The following MBIP variants were observed in gnomAD, a reference collection of about 807,000 sequenced individuals.
MBIP encodes the protein MAP3K12 binding inhibitory protein 1.
MBIP carries 32 observed loss-of-function variants against 45.7 expected under a neutral mutation model. The observed-to-expected ratio is 0.70, with a 90% CI of 0.53 to 0.94. The LOEUF (loss-of-function observed/expected upper bound fraction) is 0.94, where lower values mean the gene tolerates loss of function less well. MBIP is among the 40% of genes least tolerant of loss of function. The pLI, the probability that MBIP is intolerant of heterozygous loss-of-function variation, is 0.00. For missense variants in MBIP, 381 were observed against 405.5 expected (o/e 0.94, Z 0.52); for synonymous variants, 145 against 141.0 (o/e 1.03, Z -0.20).
intron 8 of MBIP, 23 bp from the exon 9 acceptor site, chr14:36,299,213 T>C (rs1486646083): frequency 6.6e-7 from 1 of 1,513,644 alleles, no homozygotes; most frequent in Admixed American, 1.7e-5. Flanking sequence ...ACGACACAAA[T>C]TGCTGAATAA....
intron 2 of MBIP, among the ~76,000 whole-genome samples, chr14:36,315,202 T>C (rs889601844): frequency 2.6e-5 from 4 of 152,126 alleles, no homozygotes; most frequent in Non-Finnish European, 5.9e-5. Flanking sequence ...AAATTTTCTT[T>C]GAGAGAATCA....
intron 7 of MBIP, among the ~76,000 whole-genome samples, chr14:36,307,273 A>C (rs150246015): frequency 6.6e-6 from 1 of 152,258 alleles, no homozygotes; most frequent in Non-Finnish European, 1.5e-5. Context: ...ACCTAAAATA[A>C]ATTTTAAATA....
chr14:36,303,541 A>G (rs1879697771), intron 7 of MBIP, among the ~76,000 whole-genome samples: 1 of 152,232 alleles, frequency 6.6e-6, no homozygotes, highest in African/African-American at 2.4e-5. Context: ...GTGTAACACA[A>G]TGGTATATGT....
At chr14:36,315,855 T>G (rs796563217) in intron 2 of MBIP, among the ~76,000 whole-genome samples, 5 of 152,266 alleles carry the variant, frequency 3.3e-5, no homozygotes, top group African/African-American at 1.2e-4. Context: ...ATTTTTTTCA[T>G]ACCTACAATT....
chr14:36,319,442 TTACAG>T, intron 1 of MBIP: 1 of 229,768 alleles, frequency 4.4e-6, no homozygotes, highest in South Asian at 4.8e-5. Context: ...ACCGTTTAAC[TTACAG>T]TAATGTTCTT....
rs28372966 is a variant in MBIP at position 36,320,607 on chromosome 14, CCCA to C, written c.-22_-20del. 142 of 1,534,102 alleles carry C rather than the reference CCCA, an allele frequency of 9.3e-5. No individual in the cohort carries two copies. The highest frequency in any genetic ancestry group is 1.9e-4 in the Middle Eastern group (1 of 5,314). ...CAGCCATGATATCTTCTCAGGCCGCCCCACCACCACCACCACCAAGATTTGCTC... is the reference window on the plus strand; with the variant it reads ...CAGCCATGATATCTTCTCAGGCCGCCCCACCACCACCACCAAGATTTGCTC... On this transcript the variant is annotated 5_prime_UTR_variant, in exon 1 of 9. Coordinates refer to ENST00000416007, the MANE Select transcript of MBIP (RefSeq NM_016586.3).
In MBIP at chr14:36,316,829, C is replaced by G; in HGVS notation, c.130-17G>C. On this transcript the variant is annotated splice_polypyrimidine_tract_variant and intron_variant, in intron 1 of 8. Transcript: ENST00000416007. ...GAGGTCAAGCTTCAAAGGGGCAAAC[C>G]AGCAACATCACAAAAATTACACGAT... 1 of 1,588,556 alleles carries G rather than the reference C, an allele frequency of 6.3e-7. No individual in the cohort carries two copies. The highest frequency in any genetic ancestry group is 8.5e-7 in the Non-Finnish European group (1 of 1,170,052).
intron 7 of MBIP, among the ~76,000 whole-genome samples, chr14:36,307,506 T>C (rs897882489): frequency 1.3e-5 from 2 of 152,172 alleles, no homozygotes; most frequent in African/African-American, 4.8e-5. Flanking sequence ...CTGAAAAATG[T>C]TGATGTGCCA....
chr14:36,300,457 G>T (rs542828772), intron 8 of MBIP, among the ~76,000 whole-genome samples: 39 of 152,248 alleles, frequency 2.6e-4, no homozygotes, highest in Admixed American at 1.1e-3. Flanking sequence ...TCTAGGTGCT[G>T]CTAATTAGAA....
chr14:36,299,041 A>C lies in MBIP; in HGVS notation c.*42T>G. 1 of 1,316,104 alleles carries C rather than the reference A, an allele frequency of 7.6e-7. No homozygotes were observed. The highest frequency in any genetic ancestry group is 1.1e-6 in the Non-Finnish European group (1 of 908,786). 81.5% of individuals were successfully genotyped at this position (1,316,104 alleles called of 1,614,324 possible). On this transcript the variant is annotated 3_prime_UTR_variant, in exon 9 of 9. Transcript: ENST00000416007. ...ATTAATAACAGTGTAAGTTACACAT[A>C]TGTATACAAAAAAGTAAAATGACAA...
intron 6 of MBIP, among the ~76,000 whole-genome samples, chr14:36,311,273 A>T (rs1035374863): frequency 2.0e-5 from 3 of 152,108 alleles, no homozygotes; most frequent in South Asian, 2.1e-4. Flanking sequence ...AACCTGGGCA[A>T]GACTGGACTA....
At chr14:36,311,350 A>G (rs963078987) in intron 6 of MBIP, among the ~76,000 whole-genome samples, 52 of 151,986 alleles carry the variant, frequency 3.4e-4, no homozygotes, top group Non-Finnish European at 1.0e-4. Context: ...GGGCTCTTTA[A>G]ACTTCAATTT....
intron 2 of MBIP, among the ~76,000 whole-genome samples, chr14:36,315,881 G>A (rs986285757): frequency 1.3e-5 from 2 of 151,824 alleles, no homozygotes; most frequent in Admixed American, 6.6e-5. Flanking sequence ...TCCATTGTTC[G>A]CTATACTACT....
intron 7 of MBIP, among the ~76,000 whole-genome samples, chr14:36,301,185 C>CACTT (rs1879526157): frequency 6.6e-6 from 1 of 152,028 alleles, no homozygotes; most frequent in Non-Finnish European, 1.5e-5. Flanking sequence ...GGGTATTGAA[C>CACTT]AAGTGAAGTG....
intron 7 of MBIP, among the ~76,000 whole-genome samples, chr14:36,303,318 C>G (rs561231479): frequency 6.6e-6 from 1 of 152,256 alleles, no homozygotes; most frequent in East Asian, 1.9e-4. Context: ...ATTGTCTCTC[C>G]TCACCCATTA....
chr14:36,316,637 A>G, intron 2 of MBIP, 56 bp downstream of exon 2: 2 of 1,518,870 alleles, frequency 1.3e-6, no homozygotes, highest in Non-Finnish European at 9.0e-7. Context: ...AACTAACTTA[A>G]CCACAATCAA....
rs1271327828 is a variant in MBIP, at chr14:36,303,696, G to GCA, written c.889-2875_889-2874dup. Among the ~76,000 whole-genome samples, 4 of 152,210 alleles carry GCA rather than the reference G, an allele frequency of 2.6e-5. No homozygotes were observed. In the South Asian group the frequency reaches 8.3e-4, roughly 32 times the overall value. ...CTGTCATACACACGTTCACGCACATGCACACACACATATGAATCCAGGGAA... is the reference window on the plus strand; with the variant it reads ...CTGTCATACACACGTTCACGCACATGCACACACACACATATGAATCCAGGGAA... On this transcript the variant is annotated intron_variant, in intron 7 of 8. Transcript: ENST00000416007.
chr14:36,316,646 AAT>A (rs777196954), intron 2 of MBIP, 45 bp downstream of exon 2: 1 of 1,547,010 alleles, frequency 6.5e-7, no homozygotes, highest in African/African-American at 1.4e-5. Context: ...AACCACAATC[AAT>A]TTCTATTTTC....
intron 2 of MBIP, 35 bp from the exon 3 acceptor site, chr14:36,314,950 A>G (rs781517721): frequency 7.6e-7 from 1 of 1,315,494 alleles, no homozygotes; most frequent in South Asian, 1.2e-5. Flanking sequence ...CTGAGGTTCA[A>G]TCTGACCAAA....
Sources: gnomAD v4.1 joint callset for allele counts (sites outside exome capture counted in the v4.1 genomes callset) on GRCh38, gnomAD v4.1.1 for gene constraint, MANE v1.5 for transcripts, NCBI Gene and HGNC (gene_info 2026-07-23, HGNC 2026-07-21) for gene names.